Variants in RGS6 observed in about 807,000 individuals in gnomAD.
RGS6 encodes regulator of G-protein signaling 6.
Under a neutral mutation model 78.5 loss-of-function variants are expected in RGS6, and 30 were observed. The observed-to-expected ratio is 0.38, with a 90% CI of 0.29 to 0.52. The LOEUF (loss-of-function observed/expected upper bound fraction) is 0.52, where lower values mean the gene tolerates loss of function less well. Among genes scored for constraint, RGS6 ranks in the 20% least tolerant of loss-of-function variants. The pLI is 0.85. For synonymous variants in RGS6, 206 were observed against 206.0 expected, an observed-to-expected ratio of 1.00 and a Z score of 0.00; for missense variants, 495 against 609.7, an observed-to-expected ratio of 0.81 and a Z score of 1.98.
At chr14:71,955,732 C>A (rs1334808949) in intron 1 of RGS6, among the ~76,000 whole-genome samples, 1 of 152,128 alleles carries the variant, frequency 6.6e-6, no homozygotes, top group African/African-American at 2.4e-5. Context: ...TGTTTATCAG[C>A]AAGGTCTTTA....
intron 3 of RGS6, among the ~76,000 whole-genome samples, chr14:72,410,355 A>C (rs1249856458): frequency 6.6e-6 from 1 of 152,338 alleles, no homozygotes; most frequent in Non-Finnish European, 1.5e-5. Flanking sequence ...CTTTGGCTGC[A>C]TAAATGTCTT....
chr14:72,346,166 T>C (rs1043759629), intron 2 of RGS6, among the ~76,000 whole-genome samples: 3 of 152,224 alleles, frequency 2.0e-5, no homozygotes, highest in African/African-American at 7.2e-5. Flanking sequence ...TTTGCTTCTT[T>C]GTTGAAGTTG....
intron 2 of RGS6, among the ~76,000 whole-genome samples, chr14:72,231,649 G>C (rs190253774): frequency 1.3e-4 from 20 of 152,342 alleles, no homozygotes; most frequent in Admixed American, 9.8e-4. Context: ...GGGCCAGACA[G>C]GGCTGGGGTA....
At position 72,068,562 on chromosome 14, in the gene RGS6, A is replaced by G. The variant is rs550422541; in HGVS notation, c.84+103687A>G. Among the ~76,000 whole-genome samples the G allele has an allele frequency of 3.7e-4, 54 of 145,298 alleles. 1 individual carries two copies. The highest frequency in any genetic ancestry group is 6.3e-4 in the Non-Finnish European group (42 of 67,142). Reference sequence around the variant, plus strand: ...GCCCAGGCTGGAGTGCAGTGGCGCAATCTTGGCTAGCTGTAACCTCTGCGT... The same window carrying G: ...GCCCAGGCTGGAGTGCAGTGGCGCAGTCTTGGCTAGCTGTAACCTCTGCGT... On this transcript the variant is annotated intron_variant, in intron 2 of 17. Transcript: ENST00000553525.
intron 1 of RGS6, among the ~76,000 whole-genome samples, chr14:71,962,889 A>G (rs1325931075): frequency 6.6e-6 from 1 of 152,142 alleles, no homozygotes; most frequent in Non-Finnish European, 1.5e-5. Context: ...TGTTTCCTGA[A>G]TTTGTATTTT....
intron 2 of RGS6, among the ~76,000 whole-genome samples, chr14:72,209,466 T>C (rs1355123734): frequency 1.3e-5 from 2 of 152,144 alleles, no homozygotes; most frequent in Non-Finnish European, 2.9e-5. Flanking sequence ...GCCATTTTGG[T>C]AGTAAAACAT....
intron 2 of RGS6, among the ~76,000 whole-genome samples, chr14:72,209,880 A>G (rs1371659355): frequency 6.6e-6 from 1 of 152,214 alleles, no homozygotes; most frequent in East Asian, 1.9e-4. Flanking sequence ...AGCACTCTTG[A>G]TGAAACAATC....
chr14:72,300,905 C>A (rs1021847675), intron 2 of RGS6, among the ~76,000 whole-genome samples: 1 of 152,134 alleles, frequency 6.6e-6, no homozygotes, highest in Non-Finnish European at 1.5e-5. Context: ...AGATCTTGAT[C>A]GTTACTAAAT....
chr14:72,412,528 CATTT>C (rs1265051863), intron 3 of RGS6, among the ~76,000 whole-genome samples: 1 of 152,234 alleles, frequency 6.6e-6, no homozygotes, highest in East Asian at 1.9e-4. Context: ...CTCCTGGATT[CATTT>C]ATTTTTTTGA....
intron 13 of RGS6, among the ~76,000 whole-genome samples, chr14:72,495,715 G>A (rs2153415763): frequency 6.6e-6 from 1 of 152,252 alleles, no homozygotes; most frequent in South Asian, 2.1e-4. Flanking sequence ...AGGAGTTAAT[G>A]AACTTGCCCA....
At chr14:72,273,895 T>C (rs1324953243) in intron 2 of RGS6, among the ~76,000 whole-genome samples, 1 of 152,210 alleles carries the variant, frequency 6.6e-6, no homozygotes, top group Non-Finnish European at 1.5e-5. Flanking sequence ...TGGAATTTCC[T>C]CCGGAATGTG....
At chr14:72,026,174 A>C (rs1315895215) in intron 2 of RGS6, among the ~76,000 whole-genome samples, 2 of 152,160 alleles carry the variant, frequency 1.3e-5, no homozygotes, top group Non-Finnish European at 1.5e-5. Context: ...TGGGAGGCCA[A>C]GGCAGGTGAA....
chr14:72,116,389 C>A (rs749702824), intron 2 of RGS6, among the ~76,000 whole-genome samples: 6 of 151,984 alleles, frequency 3.9e-5, no homozygotes, highest in Non-Finnish European at 8.8e-5. Flanking sequence ...GTTTTCTCAA[C>A]CATGACATCA....
intron 2 of RGS6, among the ~76,000 whole-genome samples, chr14:72,028,667 G>A (rs1018959398): frequency 1.3e-5 from 2 of 152,198 alleles, no homozygotes; most frequent in Non-Finnish European, 2.9e-5. Flanking sequence ...CTAAGGCTGC[G>A]TCTGTGCTCC....
chr14:72,204,230 GA>G (rs1475426482), intron 2 of RGS6, among the ~76,000 whole-genome samples: 1 of 152,106 alleles, frequency 6.6e-6, no homozygotes, highest in Non-Finnish European at 1.5e-5. Flanking sequence ...ACCCCAAACA[GA>G]AACTTGAAGC....
chr14:72,205,985 C>T (rs1463377147), intron 2 of RGS6, among the ~76,000 whole-genome samples: 2 of 152,166 alleles, frequency 1.3e-5, no homozygotes, highest in African/African-American at 4.8e-5. Flanking sequence ...ATGTATATGC[C>T]CTTTGGCCCA....
chr14:72,518,658 A>G, intron 15 of RGS6, 121 bp downstream of exon 15: 1 of 936,244 alleles, frequency 1.1e-6, no homozygotes, highest in South Asian at 1.8e-5. Context: ...GTTATTTTTA[A>G]GTTCATCAGT....
upstream of RGS6, among the ~76,000 whole-genome samples, chr14:71,931,816 A>G (rs1198543109): frequency 6.6e-6 from 1 of 152,174 alleles, no homozygotes; most frequent in Non-Finnish European, 1.5e-5. Flanking sequence ...GCTTCCCCCA[A>G]GAATATCTGA....
the RGS6 span, among the ~76,000 whole-genome samples, chr14:71,907,540 G>T: frequency 6.6e-6 from 1 of 152,136 alleles, no homozygotes. Context: ...CACAGGTCAG[G>T]GAGGTCCTTG....
Sources: allele counts gnomAD v4.1 joint callset (sites outside exome capture counted in the v4.1 genomes callset), GRCh38; gene constraint gnomAD v4.1.1; transcripts MANE v1.5; gene names NCBI Gene and HGNC (gene_info 2026-07-23, HGNC 2026-07-21).